The following PHF21A variants were observed in gnomAD, a reference collection of about 807,000 sequenced individuals.
PHF21A encodes PHD finger protein 21A.
In PHF21A, 11 loss-of-function variants were observed where a neutral mutation model predicts 82.5. That is an observed-to-expected ratio of 0.13 (90% CI 0.08 to 0.22). The LOEUF (loss-of-function observed/expected upper bound fraction) is 0.22. PHF21A is among the 10% of genes least tolerant of loss of function. The pLI, the probability that PHF21A is intolerant of heterozygous loss-of-function variation, is 1.00. For synonymous variants in PHF21A, 297 were observed against 302.8 expected, an observed-to-expected ratio of 0.98 and a Z score of 0.20; for missense variants, 579 against 837.8, an observed-to-expected ratio of 0.69 and a Z score of 3.81.
intron 6 of PHF21A, among the ~76,000 whole-genome samples, chr11:45,990,106 C>T (rs560625215): frequency 2.0e-5 from 3 of 152,232 alleles, no homozygotes; most frequent in South Asian, 4.1e-4. Context: ...ATCTAATCCA[C>T]AAATTTCTAC....
At chr11:45,950,572 G>A (rs1396417895) in intron 11 of PHF21A, among the ~76,000 whole-genome samples, 1 of 152,034 alleles carries the variant, frequency 6.6e-6, no homozygotes, top group Non-Finnish European at 1.5e-5. Context: ...TTTTAAGGAA[G>A]TTTACGAATT....
intron 6 of PHF21A, among the ~76,000 whole-genome samples, chr11:46,016,684 C>T (rs1457625881): frequency 6.6e-6 from 1 of 152,038 alleles, no homozygotes; most frequent in Non-Finnish European, 1.5e-5. Flanking sequence ...TGTTTTTCTC[C>T]TCTACTATAC....
At chr11:46,119,473 A>T (rs541557747) in intron 1 of PHF21A, among the ~76,000 whole-genome samples, 2 of 152,336 alleles carry the variant, frequency 1.3e-5, no homozygotes, top group African/African-American at 4.8e-5. Flanking sequence ...GAATATTTCA[A>T]CATATGACCG....
At chr11:45,950,145 A>G (rs1591113007) in intron 12 of PHF21A, 61 bp downstream of exon 12, 2 of 1,288,504 alleles carry the variant, frequency 1.6e-6, no homozygotes, top group Non-Finnish European at 1.1e-6. Flanking sequence ...ATCAAACATC[A>G]TTTTCAGGAA....
At chr11:45,934,816 G>T in intron 18 of PHF21A, 1 of 352,142 alleles carries the variant, frequency 2.8e-6, no homozygotes, top group South Asian at 2.2e-5. Context: ...TTGCCCTTTT[G>T]CCCTCAGCTT....
chr11:45,993,575 T>A (rs2094793632), intron 6 of PHF21A, among the ~76,000 whole-genome samples: 1 of 151,660 alleles, frequency 6.6e-6, no homozygotes. Context: ...CTGAGCCAAC[T>A]TTTCTGGGGC....
intron 6 of PHF21A, among the ~76,000 whole-genome samples, chr11:45,986,953 T>C (rs2094510086): frequency 6.6e-6 from 1 of 152,192 alleles, no homozygotes; most frequent in African/African-American, 2.4e-5. Flanking sequence ...ATGCTACCTG[T>C]TGCCTTTTAA....
intron 6 of PHF21A, among the ~76,000 whole-genome samples, chr11:45,982,457 TTAA>T (rs1390361273): frequency 6.6e-6 from 1 of 152,142 alleles, no homozygotes; most frequent in Non-Finnish European, 1.5e-5. Flanking sequence ...AAAATGCAAA[TTAA>T]TAAAATATCA....
At chr11:46,098,714 T>C (rs532543065) in intron 1 of PHF21A, among the ~76,000 whole-genome samples, 1 of 152,168 alleles carries the variant, frequency 6.6e-6, no homozygotes, top group African/African-American at 2.4e-5. Context: ...AAAACTCTTG[T>C]CATTAACAAC....
chr11:45,937,588 C>T (rs1052098907), intron 16 of PHF21A, among the ~76,000 whole-genome samples: 1 of 152,234 alleles, frequency 6.6e-6, no homozygotes, highest in African/African-American at 2.4e-5. Context: ...TCAAGCGATT[C>T]TCCTGCCTCA....
intron 13 of PHF21A, 118 bp from the exon 14 acceptor site, chr11:45,949,064 C>A: frequency 1.2e-6 from 1 of 824,674 alleles, no homozygotes; most frequent in South Asian, 1.4e-5. Flanking sequence ...TAGTGCTAAT[C>A]ATCCTAAGGT....
At chr11:46,119,870 C>T (rs1852571176) in intron 1 of PHF21A, 1 of 148,712 alleles carries the variant, frequency 6.7e-6, no homozygotes, top group Admixed American at 6.7e-5. Flanking sequence ...AGTCCCACTC[C>T]GCGCGCCCCT....
chr11:45,985,004 T>C (rs2094444833), intron 6 of PHF21A, among the ~76,000 whole-genome samples: 1 of 152,206 alleles, frequency 6.6e-6, no homozygotes, highest in Admixed American at 6.5e-5. Context: ...TTGTAACTTT[T>C]CACAAATGCA....
chr11:45,984,709 C>T (rs1312821589), intron 6 of PHF21A, among the ~76,000 whole-genome samples: 1 of 152,128 alleles, frequency 6.6e-6, no homozygotes, highest in South Asian at 2.1e-4. Flanking sequence ...AAAATTGCTC[C>T]CACAAATTTT....
Position 45,971,905 on chromosome 11 carries a change from T to TTTTTTTTTTTTTTTA in PHF21A, c.361-539_361-538insTAAAAAAAAAAAAAA, listed in dbSNP as rs1452859819. ...CTTTTTCTTTCTTTTTTTTTTTTTT[T>TTTTTTTTTTTTTTTA]ATGGTGTCACCCTGGAGAGAAGGAA... is the stretch of plus-strand genomic sequence containing the variant. On this transcript the variant is annotated intron_variant, in intron 7 of 18. Transcript: ENST00000676320. Among the ~76,000 whole-genome samples, 19 of 89,934 alleles carry TTTTTTTTTTTTTTTA rather than the reference T, an allele frequency of 2.1e-4. 5 individuals are homozygous for TTTTTTTTTTTTTTTA. The highest frequency in any genetic ancestry group is 7.5e-4 in the East Asian group (1 of 1,338). 59.0% of individuals were successfully genotyped at this position (89,934 alleles called of 152,430 possible). A position where few individuals can be genotyped will look rare whatever the true frequency, so the allele number is the denominator to read the frequency against.
chr11:46,114,460 C>T (rs1046734166), intron 1 of PHF21A, among the ~76,000 whole-genome samples: 27 of 152,154 alleles, frequency 1.8e-4, no homozygotes, highest in Non-Finnish European at 2.4e-4. Flanking sequence ...GATAAGCTGG[C>T]ACACAAATTT....
intron 6 of PHF21A, among the ~76,000 whole-genome samples, chr11:45,996,012 T>C (rs1469674185): frequency 3.3e-5 from 5 of 152,240 alleles, no homozygotes; most frequent in East Asian, 1.9e-4. Context: ...GGTGTGATCA[T>C]AGCTCATTAT....
chr11:46,057,901 C>T (rs1565775482), intron 6 of PHF21A, among the ~76,000 whole-genome samples: 1 of 152,164 alleles, frequency 6.6e-6, no homozygotes, highest in Non-Finnish European at 1.5e-5. Context: ...AACTTTGTCA[C>T]TGGGTGACTT....
chr11:46,002,215 T>C (rs2095154085), intron 6 of PHF21A, among the ~76,000 whole-genome samples: 1 of 152,204 alleles, frequency 6.6e-6, no homozygotes, highest in Non-Finnish European at 1.5e-5. Flanking sequence ...GTGATTTACA[T>C]CATTATAATC....
Sources: gnomAD v4.1 joint callset for allele counts (sites outside exome capture counted in the v4.1 genomes callset) on GRCh38, gnomAD v4.1.1 for gene constraint, MANE v1.5 for transcripts, NCBI Gene and HGNC (gene_info 2026-07-23, HGNC 2026-07-21) for gene names.